Variants in NPVF observed in about 807,000 individuals in gnomAD.
NPVF encodes neuropeptide VF precursor.
NPVF carries 17 observed loss-of-function variants against 15.7 expected under a neutral mutation model. The observed-to-expected ratio is 1.08, with a 90% CI of 0.74 to 1.62. The LOEUF (loss-of-function observed/expected upper bound fraction) is 1.62. Among genes scored for constraint, NPVF ranks in the 40% most tolerant of loss-of-function variants. The probability of loss-of-function intolerance (pLI) is 0.00; values close to 1 mark genes in which losing one functional copy is unlikely to be tolerated. For missense variants in NPVF, 270 were observed against 225.2 expected, an observed-to-expected ratio of 1.20 and a Z score of -1.27; for synonymous variants, 70 against 80.1, an observed-to-expected ratio of 0.87 and a Z score of 0.67.
At position 25,228,468 on chromosome 7, in the gene NPVF, T is replaced by G; in HGVS notation, c.-29A>C. On this transcript the variant is annotated 5_prime_UTR_variant, in exon 1 of 3. Coordinates refer to ENST00000222674, the MANE Select transcript of NPVF (RefSeq NM_022150.3). ...GTCTAAATCTAAAATTAAGTCTCTA[T>G]GTGCAGCCCAATGTTTATGAGAGGA... 1 of 1,541,220 alleles carries G rather than the reference T, an allele frequency of 6.5e-7. No homozygotes were observed. Among genetic ancestry groups the G allele is most frequent in the Non-Finnish European group, 8.9e-7 (1 of 1,128,716 alleles).
At chr7:25,228,009 T>C (rs1468731815) in intron 1 of NPVF, among the ~76,000 whole-genome samples, 1 of 152,236 alleles carries the variant, frequency 6.6e-6, no homozygotes, top group Non-Finnish European at 1.5e-5. Context: ...AAATCTTATT[T>C]CTGCCAACCA....
chr7:25,225,522 C>G lies in NPVF; in HGVS notation c.540-349G>C, dbSNP rs149815897. Among the ~76,000 whole-genome samples, 324 of 152,362 alleles carry G rather than the reference C, an allele frequency of 2.1e-3. 3 individuals are homozygous for G. The highest frequency in any genetic ancestry group is 0.02 in the Middle Eastern group (6 of 294). The stretch of plus-strand genomic sequence containing the variant: ...CTTGTCCGGGTCCTCAATATCTGCG[C>G]TCTCTGCTCTTACTCTAACGGTCTA... On this transcript the variant is annotated intron_variant, in intron 2 of 2. Transcript: ENST00000222674.
At chr7:25,227,073 A>C in intron 1 of NPVF, 47 bp from the exon 2 acceptor site, 1 of 1,443,808 alleles carries the variant, frequency 6.9e-7, no homozygotes, top group East Asian at 2.3e-5. Context: ...TGTTATAAGC[A>C]ACAGATTTAA....
rs560374051 is a variant in NPVF, at chr7:25,224,753, T to C, written c.*369A>G. On this transcript the variant is annotated 3_prime_UTR_variant, in exon 3 of 3. Transcript: ENST00000222674. Reference sequence around the variant, plus strand: ...AACCATGTTATTCTGGCATACTATTTAATTTCCATCATAATGTTTTTCAGG... The same window carrying C: ...AACCATGTTATTCTGGCATACTATTCAATTTCCATCATAATGTTTTTCAGG... 8.1e-4 allele frequency: 152 copies of C among 188,200 alleles called. 1 individual carries two copies. The highest frequency in any genetic ancestry group is 3.5e-3 in the African/African-American group (149 of 42,872). 11.7% of individuals were successfully genotyped at this position (188,200 alleles called of 1,614,324 possible).
intron 2 of NPVF, among the ~76,000 whole-genome samples, chr7:25,226,375 G>T (rs1242903459): frequency 1.3e-5 from 2 of 152,164 alleles, no homozygotes; most frequent in Admixed American, 1.3e-4. Flanking sequence ...TATAGGATAA[G>T]GAGATTGATG....
intron 2 of NPVF, 59 bp from the exon 3 acceptor site, chr7:25,225,232 T>C: frequency 1.5e-6 from 2 of 1,333,996 alleles, no homozygotes; most frequent in Non-Finnish European, 2.1e-6. Context: ...TGCAAGTGTG[T>C]ATACAAATAC....
At chr7:25,226,594 C>G in intron 2 of NPVF, 32 bp downstream of exon 2, 1 of 1,602,764 alleles carries the variant, frequency 6.2e-7, no homozygotes, top group South Asian at 1.1e-5. Context: ...ATATAACTGC[C>G]CATGCACTTT....
chr7:25,228,475 C>T lies in NPVF; in HGVS notation c.-36G>A, dbSNP rs877835. ...TCTAAAATTAAGTCTCTATGTGCAG[C>T]CCAATGTTTATGAGAGGAGAAAAAA... On this transcript the variant is annotated 5_prime_UTR_variant, in exon 1 of 3. Transcript: ENST00000222674. 0.19 allele frequency: 282,473 copies of T among 1,496,528 alleles called. 29,551 individuals are homozygous for T. The highest frequency in any genetic ancestry group is 0.5 in the East Asian group (21,792 of 43,434). The allele number at this position is 1,496,528 out of a possible 1,614,324, so 92.7% of individuals were successfully genotyped here.
Position 25,225,063 on chromosome 7 carries a change from T to C in NPVF, c.*59A>G, listed in dbSNP as rs1583440311. On this transcript the variant is annotated 3_prime_UTR_variant, in exon 3 of 3. Coordinates refer to ENST00000222674, the MANE Select transcript of NPVF (RefSeq NM_022150.3). ...ATGTAGCTACTCTTCCGTGTGGTCTTCGCTATAGAGCCATTTGTAGATTAC... is the reference window on the plus strand; with the variant it reads ...ATGTAGCTACTCTTCCGTGTGGTCTCCGCTATAGAGCCATTTGTAGATTAC... The C allele has an allele frequency of 6.8e-7, 1 of 1,464,820 alleles. No homozygotes were observed. The highest frequency in any genetic ancestry group is 9.5e-7 in the Non-Finnish European group (1 of 1,053,390). The allele number at this position is 1,464,820 out of a possible 1,614,324, so 90.7% of individuals were successfully genotyped here. A position where few individuals can be genotyped will look rare whatever the true frequency, so the allele number is the denominator to read the frequency against.
At chr7:25,228,264 T>C in intron 1 of NPVF, 38 bp downstream of exon 1, 1 of 1,259,082 alleles carries the variant, frequency 7.9e-7, no homozygotes, top group South Asian at 1.3e-5. Flanking sequence ...TATTATGTAA[T>C]TAATGCTACT....
intron 1 of NPVF, among the ~76,000 whole-genome samples, chr7:25,228,017 C>G (rs1783152776): frequency 6.6e-6 from 1 of 152,150 alleles, no homozygotes; most frequent in Non-Finnish European, 1.5e-5. Context: ...TTTCTGCCAA[C>G]CATTTATTAC....
In NPVF at chr7:25,226,992, T is replaced by C. The variant is rs1783139083; in HGVS notation, c.173A>G (p.Asn58Ser). ...RGYPKGERSL[N>S]FEELKDWGPK... Reference sequence around the variant, plus strand: ...TCCCCAATCTTTTAATTCCTCAAAATTGAGGCTTCTTTCCCCTTTTGGGTA... The same window carrying C: ...TCCCCAATCTTTTAATTCCTCAAAACTGAGGCTTCTTTCCCCTTTTGGGTA... The change falls in exon 2 of 3, where the codon AAT becomes AGT. Residue 58 changes from asparagine to serine, a missense_variant. Physicochemically the swap from Asn to Ser is conservative, Grantham distance 46. Transcript: ENST00000222674. The C allele has an allele frequency of 1.2e-6, 2 of 1,613,732 alleles. No homozygotes were observed. The highest frequency in any genetic ancestry group is 1.7e-6 in the Non-Finnish European group (2 of 1,179,750).
intron 1 of NPVF, 85 bp from the exon 2 acceptor site, chr7:25,227,111 T>C (rs1179064355): frequency 1.1e-4 from 127 of 1,170,586 alleles, no homozygotes; most frequent in Non-Finnish European, 1.5e-4. Context: ...ATCTAGACTT[T>C]AATCTGCAGA....
chr7:25,225,071 G>A lies in NPVF; in HGVS notation c.*51C>T, dbSNP rs1783107948. Reference sequence around the variant, plus strand: ...ACTCTTCCGTGTGGTCTTCGCTATAGAGCCATTTGTAGATTACAGGCCACA... The same window carrying A: ...ACTCTTCCGTGTGGTCTTCGCTATAAAGCCATTTGTAGATTACAGGCCACA... On this transcript the variant is annotated 3_prime_UTR_variant, in exon 3 of 3. Coordinates refer to ENST00000222674, the MANE Select transcript of NPVF (RefSeq NM_022150.3). 1 of 1,514,294 alleles carries A rather than the reference G, an allele frequency of 6.6e-7. No individual in the cohort carries two copies. The highest frequency in any genetic ancestry group is 9.1e-7 in the Non-Finnish European group (1 of 1,095,504). 93.8% of individuals were successfully genotyped at this position (1,514,294 alleles called of 1,614,324 possible).
chr7:25,226,919 T>TG lies in NPVF; in HGVS notation c.245dup (p.His83ThrfsTer44). On this transcript the variant is annotated frameshift_variant, in exon 2 of 3. Transcript: ENST00000222674. LOFTEE classifies it high-confidence loss of function. ...TCAATGGCAAGTTGGCGAAGGAGTG[T>TG]GGCATTTTATTGACTGCAGGTGTAC... The TG allele has an allele frequency of 6.2e-7, 1 of 1,614,030 alleles. No homozygotes were observed. Among genetic ancestry groups the TG allele is most frequent in the South Asian group, 1.1e-5 (1 of 91,052 alleles).
At chr7:25,227,769 G>A (rs1783150240) in intron 1 of NPVF, among the ~76,000 whole-genome samples, 5 of 152,164 alleles carry the variant, frequency 3.3e-5, no homozygotes, top group African/African-American at 1.2e-4. Flanking sequence ...ATTGTTTTCT[G>A]ATTATCCCTT....
chr7:25,228,204 C>T (rs566143022), intron 1 of NPVF, 98 bp downstream of exon 1: 25 of 859,934 alleles, frequency 2.9e-5, no homozygotes, highest in African/African-American at 2.1e-4. Context: ...AAACAGAGTA[C>T]ACACCAACTT....
rs1562548851 is a variant in NPVF at position 25,225,091 on chromosome 7, GC to G, written c.*30del. On this transcript the variant is annotated 3_prime_UTR_variant, in exon 3 of 3. Transcript: ENST00000222674. ...CTATAGAGCCATTTGTAGATTACAG[GC>G]CACAGCTTTAGGGACAGGCTCCAGG... 1.9e-6 allele frequency: 3 copies of G among 1,602,048 alleles called. No individual in the cohort carries two copies. The highest frequency in any genetic ancestry group is 2.6e-6 in the Non-Finnish European group (3 of 1,171,048).
chr7:25,227,043 C>G lies in NPVF; in HGVS notation c.139-17G>C, dbSNP rs759328327. The stretch of plus-strand genomic sequence containing the variant: ...TCCTCTAGGCTATAATTAGAAATGA[C>G]CATTACAATAACATACTGTTGTTAT... On this transcript the variant is annotated splice_polypyrimidine_tract_variant and intron_variant, in intron 1 of 2. Transcript: ENST00000222674. 8.2e-6 allele frequency: 13 copies of G among 1,585,908 alleles called. No homozygotes were observed. The highest frequency in any genetic ancestry group is 6.9e-6 in the Non-Finnish European group (8 of 1,163,800).
Sources: allele counts gnomAD v4.1 joint callset (sites outside exome capture counted in the v4.1 genomes callset), GRCh38; gene constraint gnomAD v4.1.1; transcripts MANE v1.5; gene names NCBI Gene and HGNC (gene_info 2026-07-23, HGNC 2026-07-21).